The following SLAIN2 variants were observed in gnomAD, a reference collection of about 807,000 sequenced individuals.
SLAIN2 encodes SLAIN family member 2.
SLAIN2 carries 31 observed loss-of-function variants against 56.6 expected under a neutral mutation model. That is an observed-to-expected ratio of 0.55 (90% CI 0.41 to 0.74). SLAIN2 has a LOEUF of 0.74. SLAIN2 is among the 30% of genes least tolerant of loss of function. SLAIN2 has a pLI of 0.00. For synonymous variants in SLAIN2, 317 were observed against 284.9 expected, an observed-to-expected ratio of 1.11 and a Z score of -1.13; for missense variants, 777 against 754.2, an observed-to-expected ratio of 1.03 and a Z score of -0.35.
intron 1 of SLAIN2, among the ~76,000 whole-genome samples, chr4:48,367,680 TC>T (rs1715555343): frequency 6.6e-6 from 1 of 152,160 alleles, no homozygotes; most frequent in Non-Finnish European, 1.5e-5. Context: ...ATTGTTGTAT[TC>T]ATTTAGTTTG....
intron 6 of SLAIN2, among the ~76,000 whole-genome samples, chr4:48,405,069 A>C (rs1302628493): frequency 6.6e-6 from 1 of 152,220 alleles, no homozygotes; most frequent in Non-Finnish European, 1.5e-5. Context: ...GGGATTAATA[A>C]ATTTATAATG....
At chr4:48,362,713 C>T (rs1271998390) in intron 1 of SLAIN2, among the ~76,000 whole-genome samples, 13 of 147,424 alleles carry the variant, frequency 8.8e-5, no homozygotes, top group Non-Finnish European at 1.5e-5. Flanking sequence ...GCCACCATGC[C>T]AGGCTGGTTT....
At chr4:48,404,402 G>T (rs1716639769) in intron 6 of SLAIN2, among the ~76,000 whole-genome samples, 1 of 133,184 alleles carries the variant, frequency 7.5e-6, no homozygotes, top group African/African-American at 2.7e-5. Flanking sequence ...TCAGAAACAA[G>T]ATACACTCAT....
chr4:48,413,612 G>A (rs1363274161), intron 6 of SLAIN2, among the ~76,000 whole-genome samples: 6 of 152,154 alleles, frequency 3.9e-5, no homozygotes, highest in Admixed American at 6.5e-5. Context: ...GTAAGGGATC[G>A]TTGACAAGGA....
At chr4:48,355,656 G>A (rs1036797919) in intron 1 of SLAIN2, among the ~76,000 whole-genome samples, 1 of 151,914 alleles carries the variant, frequency 6.6e-6, no homozygotes, top group Non-Finnish European at 1.5e-5. Flanking sequence ...CAGTATACCC[G>A]TCTCTCTTAC....
chr4:48,374,961 A>C (rs1239458494), intron 2 of SLAIN2, among the ~76,000 whole-genome samples: 2 of 152,214 alleles, frequency 1.3e-5, no homozygotes, highest in Admixed American at 1.3e-4. Flanking sequence ...TACATTTGCC[A>C]TACCCAAGGG....
intron 6 of SLAIN2, 32 bp from the exon 7 acceptor site, chr4:48,420,093 T>A (rs745806422): frequency 2.4e-5 from 38 of 1,605,426 alleles, no homozygotes; most frequent in African/African-American, 2.7e-5. Context: ...AGATTTCCAC[T>A]CAAAAATTGG....
chr4:48,393,050 G>C (rs1484739762), intron 6 of SLAIN2, among the ~76,000 whole-genome samples: 1 of 151,854 alleles, frequency 6.6e-6, no homozygotes, highest in Non-Finnish European at 1.5e-5. Context: ...TACTCTGATA[G>C]TAACCTGTAT....
At chr4:48,419,214 T>C (rs1335932413) in intron 6 of SLAIN2, among the ~76,000 whole-genome samples, 3 of 152,114 alleles carry the variant, frequency 2.0e-5, no homozygotes, top group African/African-American at 7.2e-5. Flanking sequence ...GCAGTTCTCC[T>C]GCCTCAGCCT....
intron 6 of SLAIN2, among the ~76,000 whole-genome samples, chr4:48,385,638 C>CT (rs11423786): frequency 0.4 from 57,807 of 145,712 alleles, 11,504 homozygotes; most frequent in East Asian, 0.5. Context: ...CTTTTTTTTT[C>CT]TTTTTTTTTT....
In SLAIN2 at chr4:48,378,145, G is replaced by C. The variant is rs115502524; in HGVS notation, c.703+85G>C. Reference sequence around the variant, plus strand: ...AGAAAATAACATTCATCTGCAGTTCGAGTTCATTTTATTTATGAAACTTTT... The same window carrying C: ...AGAAAATAACATTCATCTGCAGTTCCAGTTCATTTTATTTATGAAACTTTT... On this transcript the variant is annotated intron_variant, in intron 3 of 7. Coordinates refer to ENST00000264313, the MANE Select transcript of SLAIN2 (RefSeq NM_020846.2). The C allele has an allele frequency of 8.6e-3, 12,184 of 1,422,016 alleles. 56 individuals carry two copies. Among genetic ancestry groups the C allele is most frequent in the Non-Finnish European group, 0.01 (10,725 of 1,044,920 alleles). The allele number at this position is 1,422,016 out of a possible 1,614,324, so 88.1% of individuals were successfully genotyped here.
chr4:48,351,079 T>C (rs1714998055), intron 1 of SLAIN2, among the ~76,000 whole-genome samples: 2 of 152,202 alleles, frequency 1.3e-5, no homozygotes, highest in Non-Finnish European at 2.9e-5. Context: ...TCCTACTCCA[T>C]TCAGGAGCTT....
Position 48,353,734 on chromosome 4 carries a change from A to G in SLAIN2, c.389+11606A>G, listed in dbSNP as rs373154251. On this transcript the variant is annotated intron_variant, in intron 1 of 7. Coordinates refer to ENST00000264313, the MANE Select transcript of SLAIN2 (RefSeq NM_020846.2). ...GGTATGTATATATGTGTTTCAGAGT[A>G]TAAGTGGTAGAGTGTAGATAGATTG... is the stretch of plus-strand genomic sequence containing the variant. Among the ~76,000 whole-genome samples the G allele has an allele frequency of 2.4e-3, 359 of 152,324 alleles. 3 individuals carry two copies. Among genetic ancestry groups the G allele is most frequent in the African/African-American group, 8.3e-3 (345 of 41,570 alleles).
At chr4:48,349,395 A>T (rs1355795681) in intron 1 of SLAIN2, among the ~76,000 whole-genome samples, 1 of 152,244 alleles carries the variant, frequency 6.6e-6, no homozygotes, top group Non-Finnish European at 1.5e-5. Context: ...TTCTTACATG[A>T]CGCTTATGCC....
chr4:48,347,582 A>G (rs910966359), intron 1 of SLAIN2, among the ~76,000 whole-genome samples: 1 of 152,178 alleles, frequency 6.6e-6, no homozygotes, highest in African/African-American at 2.4e-5. Flanking sequence ...AATGTGTACA[A>G]TTTGGAGTTG....
intron 6 of SLAIN2, chr4:48,394,792 T>C: frequency 3.0e-6 from 2 of 669,194 alleles, no homozygotes; most frequent in Non-Finnish European, 4.8e-6. Context: ...AATGAGGATT[T>C]ATTCTGTTAT....
At chr4:48,399,235 TA>T (rs1036885714) in intron 6 of SLAIN2, among the ~76,000 whole-genome samples, 1 of 152,192 alleles carries the variant, frequency 6.6e-6, no homozygotes, top group Non-Finnish European at 1.5e-5. Flanking sequence ...TTGTTAGCTG[TA>T]TTCCTAGGTA....
chr4:48,368,104 G>A (rs1715572878), intron 1 of SLAIN2, among the ~76,000 whole-genome samples: 1 of 138,026 alleles, frequency 7.2e-6, no homozygotes, highest in African/African-American at 2.8e-5. Context: ...CTGCAGTGGT[G>A]TGATTGTGAT....
At chr4:48,408,682 GTT>G (rs1716768350) in intron 6 of SLAIN2, among the ~76,000 whole-genome samples, 1 of 151,888 alleles carries the variant, frequency 6.6e-6, no homozygotes, top group South Asian at 2.1e-4. Flanking sequence ...AAAGAGTCAC[GTT>G]TTTAAGTTAA....
Sources: gnomAD v4.1 joint callset for allele counts (sites outside exome capture counted in the v4.1 genomes callset) on GRCh38, gnomAD v4.1.1 for gene constraint, MANE v1.5 for transcripts, NCBI Gene and HGNC (gene_info 2026-07-23, HGNC 2026-07-21) for gene names.